DLC1: variants seen among roughly 807,000 people sequenced by gnomAD.
The protein encoded by DLC1 is DLC1 Rho GTPase activating protein.
Under a neutral mutation model 140.3 loss-of-function variants are expected in DLC1, and 54 were observed. The ratio of observed to expected loss-of-function variants is 0.38; its 90% CI spans 0.31 to 0.48. The LOEUF is 0.48. DLC1 is among the 20% of genes least tolerant of loss of function. The probability of loss-of-function intolerance (pLI) is 0.96; values close to 1 mark genes in which losing one functional copy is unlikely to be tolerated. For missense variants in DLC1, 2,536 were observed against 1,907.0 expected, an observed-to-expected ratio of 1.33 and a Z score of -6.14; for synonymous variants, 986 against 728.1, an observed-to-expected ratio of 1.35 and a Z score of -5.70.
intron 2 of DLC1, among the ~76,000 whole-genome samples, chr8:13,416,144 C>A (rs973712907): frequency 5.9e-5 from 9 of 152,138 alleles, no homozygotes; most frequent in African/African-American, 2.2e-4. Flanking sequence ...CTAGGGGTCC[C>A]ATGTTATTCT....
intron 2 of DLC1, among the ~76,000 whole-genome samples, chr8:13,447,873 A>C (rs989735897): frequency 6.6e-6 from 1 of 152,094 alleles, no homozygotes; most frequent in African/African-American, 2.4e-5. Context: ...CTCAAACATA[A>C]AAATACCCTG....
chr8:13,408,148 A>G lies in DLC1; in HGVS notation c.1024-6529T>C, dbSNP rs192013867. 3.3e-3 allele frequency among the ~76,000 whole-genome samples: 509 copies of G among 152,296 alleles called. 2 individuals are homozygous for G. Among genetic ancestry groups the G allele is most frequent in the Non-Finnish European group, 6.2e-3 (420 of 68,018 alleles). ...TTTGAAACTTATGTAGACTAGCAGGAAAGAAAACAACAACTATTTCCTGTT... is the reference window on the plus strand; with the variant it reads ...TTTGAAACTTATGTAGACTAGCAGGGAAGAAAACAACAACTATTTCCTGTT... On this transcript the variant is annotated intron_variant, in intron 2 of 17. Coordinates refer to ENST00000276297, the MANE Select transcript of DLC1 (RefSeq NM_182643.3).
chr8:13,168,251 G>C (rs1191680649), intron 5 of DLC1, among the ~76,000 whole-genome samples: 2 of 152,098 alleles, frequency 1.3e-5, no homozygotes, highest in Non-Finnish European at 2.9e-5. Flanking sequence ...CGAGAAAGAA[G>C]TTTATAAATT....
At chr8:13,601,611 G>T (rs1805885301) in intron 1 of DLC1, among the ~76,000 whole-genome samples, 1 of 150,298 alleles carries the variant, frequency 6.7e-6, no homozygotes, top group Admixed American at 6.7e-5. Flanking sequence ...TGGCTAACTT[G>T]TCAAAGAGTC....
chr8:13,518,249 C>T (rs890784980), upstream of DLC1, among the ~76,000 whole-genome samples: 8 of 152,078 alleles, frequency 5.3e-5, no homozygotes, highest in Admixed American at 2.6e-4. Context: ...GCTGGGATTA[C>T]AGATGCACTC....
chr8:13,309,545 T>C (rs1387099222), intron 4 of DLC1, among the ~76,000 whole-genome samples: 2 of 152,190 alleles, frequency 1.3e-5, no homozygotes, highest in Non-Finnish European at 2.9e-5. Context: ...TGCTTTCTTC[T>C]AATGAGAGCT....
chr8:13,386,504 G>A (rs568454235), intron 4 of DLC1, among the ~76,000 whole-genome samples: 1 of 152,214 alleles, frequency 6.6e-6, no homozygotes, highest in East Asian at 1.9e-4. Context: ...TGACCGTGAA[G>A]ATGGAATAAC....
At chr8:13,249,241 T>A (rs56077866) in intron 5 of DLC1, among the ~76,000 whole-genome samples, 35,458 of 151,744 alleles carry the variant, frequency 0.23, 4,318 homozygotes, top group South Asian at 0.34. Context: ...CACATCTGAC[T>A]ATTTGTTTTG....
intron 2 of DLC1, among the ~76,000 whole-genome samples, chr8:13,477,136 A>G (rs1800467503): frequency 6.6e-6 from 1 of 152,208 alleles, no homozygotes; most frequent in Non-Finnish European, 1.5e-5. Flanking sequence ...ATGCAGAGGA[A>G]GCACATGCTC....
chr8:13,093,548 C>T (rs764743458), intron 12 of DLC1, among the ~76,000 whole-genome samples: 3 of 152,098 alleles, frequency 2.0e-5, no homozygotes, highest in East Asian at 1.9e-4. Flanking sequence ...ATGCTGATCC[C>T]GATCTTCAGG....
chr8:13,100,648 G>T lies in DLC1; in HGVS notation c.1689C>A (p.Val563=), dbSNP rs1045871564. 6.2e-7 allele frequency: 1 copy of T among 1,614,144 alleles called. No homozygotes were observed. The highest frequency in any genetic ancestry group is 8.5e-7 in the Non-Finnish European group (1 of 1,180,026). ...GGTGGGAGTCGTCTGGGGACCCAGG[G>T]ACCAGGTCTTGTTTTGGAGAAAAGA... ...FDVFSPKQDL[V]PGSPDDSHPK... Residue 563 remains valine (V), a synonymous_variant, in exon 9 of 18, where the codon GTC becomes GTA. Transcript: ENST00000276297.
intron 2 of DLC1, among the ~76,000 whole-genome samples, chr8:13,412,972 G>T (rs995570503): frequency 6.7e-6 from 1 of 149,150 alleles, no homozygotes; most frequent in African/African-American, 2.5e-5. Flanking sequence ...TTGAATGGAT[G>T]CACCCATGTG....
intron 1 of DLC1, among the ~76,000 whole-genome samples, chr8:13,587,102 A>G (rs922781159): frequency 5.9e-5 from 9 of 151,648 alleles, no homozygotes; most frequent in Admixed American, 2.0e-4. Flanking sequence ...ACACACACAC[A>G]CACATTCATG....
chr8:13,541,956 G>A (rs1803500042), intron 1 of DLC1, among the ~76,000 whole-genome samples: 1 of 152,102 alleles, frequency 6.6e-6, no homozygotes, highest in Admixed American at 6.5e-5. Flanking sequence ...ACAACTCACT[G>A]GATATAAGTG....
chr8:13,550,053 G>A (rs1453724324), intron 1 of DLC1, among the ~76,000 whole-genome samples: 1 of 152,070 alleles, frequency 6.6e-6, no homozygotes, highest in African/African-American at 2.4e-5. Flanking sequence ...CTGAGAAACA[G>A]GCAACTATCC....
At chr8:13,552,027 A>G (rs150849196) in intron 1 of DLC1, among the ~76,000 whole-genome samples, 21,294 of 140,350 alleles carry the variant, frequency 0.15, 2,238 homozygotes, top group Non-Finnish European at 0.23. Flanking sequence ...GTGTATATAT[A>G]TATGTGTGTG....
intron 5 of DLC1, among the ~76,000 whole-genome samples, chr8:13,165,851 C>T (rs1238422157): frequency 6.6e-6 from 1 of 152,086 alleles, no homozygotes; most frequent in East Asian, 1.9e-4. Context: ...AGCACAGACC[C>T]ATATATTGGC....
chr8:13,297,600 A>G (rs1653023), intron 5 of DLC1, among the ~76,000 whole-genome samples: 60,475 of 151,914 alleles, frequency 0.4, 12,117 homozygotes, highest in Middle Eastern at 0.47. Flanking sequence ...ATGAAACAAA[A>G]TTATGTTTTT....
chr8:13,311,631 C>G (rs1428960291), intron 4 of DLC1, among the ~76,000 whole-genome samples: 1 of 152,154 alleles, frequency 6.6e-6, no homozygotes, highest in African/African-American at 2.4e-5. Context: ...CTGACTTTAA[C>G]AACTGTCTTT....
Sources: gnomAD v4.1 joint callset for allele counts (sites outside exome capture counted in the v4.1 genomes callset) on GRCh38, gnomAD v4.1.1 for gene constraint, MANE v1.5 for transcripts, NCBI Gene and HGNC (gene_info 2026-07-23, HGNC 2026-07-21) for gene names.